The following PGR variants were observed in gnomAD, a reference collection of about 807,000 sequenced individuals.
PGR encodes the protein progesterone receptor, also known as nuclear receptor subfamily 3 group C member 3.
A neutral mutation model predicts 76.1 loss-of-function variants in PGR; 25 were observed. That is an observed-to-expected ratio of 0.33 (90% CI 0.24 to 0.46). The LOEUF (loss-of-function observed/expected upper bound fraction) is 0.46. PGR is among the 20% of genes least tolerant of loss of function. The pLI is 1.00. For synonymous variants in PGR, 579 were observed against 535.0 expected (o/e 1.08, Z -1.14); for missense variants, 1,172 against 1,225.3 (o/e 0.96, Z 0.65).
intron 2 of PGR, among the ~76,000 whole-genome samples, chr11:101,106,050 T>C (rs577640367): frequency 7.2e-5 from 11 of 152,280 alleles, no homozygotes; most frequent in South Asian, 2.1e-4. Flanking sequence ...CTGGACCCCT[T>C]CCTAACACCT....
intron 2 of PGR, among the ~76,000 whole-genome samples, chr11:101,100,035 A>G (rs1861949201): frequency 6.6e-6 from 1 of 152,178 alleles, no homozygotes; most frequent in Admixed American, 6.5e-5. Context: ...GAGGATTTGT[A>G]AATTTGGCAT....
At chr11:101,056,382 G>C (rs541782007) in intron 4 of PGR, among the ~76,000 whole-genome samples, 4 of 152,074 alleles carry the variant, frequency 2.6e-5, no homozygotes, top group African/African-American at 9.7e-5. Flanking sequence ...GCTCATGCCC[G>C]TAGTCCCAGT....
At position 101,086,214 on chromosome 11, in the gene PGR, A is replaced by G. The variant is rs1365362275; in HGVS notation, c.1906+5546T>C. On this transcript the variant is annotated intron_variant, in intron 3 of 7. Coordinates refer to ENST00000325455, the MANE Select transcript of PGR (RefSeq NM_000926.4). ...AAAATTCTCAACAAAACACTAGCAA[A>G]CCAAATCAAACATCAAAGTTAATTT... is the stretch of plus-strand genomic sequence containing the variant. Among the ~76,000 whole-genome samples the G allele has an allele frequency of 2.0e-5, 3 of 152,176 alleles. No homozygotes were observed. In the East Asian group the frequency reaches 5.8e-4, roughly 29 times the overall value.
chr11:101,119,722 G>A (rs1321588833), intron 2 of PGR, among the ~76,000 whole-genome samples: 1 of 152,200 alleles, frequency 6.6e-6, no homozygotes. Context: ...CTGAATAGAA[G>A]AAGGAACTTG....
intron 6 of PGR, among the ~76,000 whole-genome samples, chr11:101,049,522 T>C (rs906067574): frequency 1.4e-4 from 22 of 152,154 alleles, no homozygotes; most frequent in South Asian, 2.1e-4. Flanking sequence ...TGCATTGTGC[T>C]ATGATGTTAT....
intron 4 of PGR, among the ~76,000 whole-genome samples, chr11:101,061,074 A>G (rs545835): frequency 0.44 from 66,733 of 152,042 alleles, 16,389 homozygotes; most frequent in East Asian, 0.77. Flanking sequence ...ACAAAAACCA[A>G]AGAAATCATA....
intron 2 of PGR, among the ~76,000 whole-genome samples, chr11:101,097,013 G>A (rs1188142390): frequency 6.6e-6 from 1 of 152,064 alleles, no homozygotes; most frequent in Admixed American, 6.5e-5. Flanking sequence ...ATAAATAGGG[G>A]AGTTCACCCC....
chr11:101,044,889 T>A (rs1211802651), intron 6 of PGR, among the ~76,000 whole-genome samples: 4 of 151,864 alleles, frequency 2.6e-5, no homozygotes, highest in Non-Finnish European at 5.9e-5. Flanking sequence ...GTCTTTTTGG[T>A]AGAGATGGGG....
intron 2 of PGR, among the ~76,000 whole-genome samples, chr11:101,107,437 G>T (rs1053436118): frequency 2.0e-5 from 3 of 152,054 alleles, no homozygotes; most frequent in African/African-American, 7.2e-5. Flanking sequence ...GAAGTACTTA[G>T]TTATAATTGA....
At chr11:101,054,457 A>C (rs1860219437) in intron 4 of PGR, among the ~76,000 whole-genome samples, 1 of 152,222 alleles carries the variant, frequency 6.6e-6, no homozygotes, top group Non-Finnish European at 1.5e-5. Context: ...TAAATCTAAT[A>C]CATAAATGCT....
chr11:101,044,379 A>C (rs1161237049), intron 6 of PGR, among the ~76,000 whole-genome samples: 1 of 152,068 alleles, frequency 6.6e-6, no homozygotes, highest in Non-Finnish European at 1.5e-5. Context: ...CTTCCTCTGG[A>C]TGAGGCTTAG....
At chr11:101,053,719 C>G (rs1860188070) in intron 4 of PGR, among the ~76,000 whole-genome samples, 1 of 149,600 alleles carries the variant, frequency 6.7e-6, no homozygotes, top group South Asian at 2.1e-4. Context: ...TCCCTCCTTT[C>G]TTCCTTCCCT....
chr11:101,073,690 A>C (rs1861025492), intron 3 of PGR, among the ~76,000 whole-genome samples: 1 of 152,220 alleles, frequency 6.6e-6, no homozygotes, highest in Non-Finnish European at 1.5e-5. Flanking sequence ...CCATCAGAGA[A>C]TACTATAAAC....
intron 1 of PGR, among the ~76,000 whole-genome samples, chr11:101,126,419 T>C (rs1219992527): frequency 1.3e-5 from 2 of 152,158 alleles, no homozygotes; most frequent in Admixed American, 1.3e-4. Context: ...TCCTAGAAAG[T>C]TAAAGTCGGT....
chr11:101,105,879 T>C (rs1334948267), intron 2 of PGR, among the ~76,000 whole-genome samples: 1 of 151,994 alleles, frequency 6.6e-6, no homozygotes, highest in Non-Finnish European at 1.5e-5. Flanking sequence ...CCAAAACGGA[T>C]ATATAGACCA....
At chr11:101,096,684 T>C (rs775521080) in intron 2 of PGR, among the ~76,000 whole-genome samples, 3 of 152,188 alleles carry the variant, frequency 2.0e-5, no homozygotes, top group Admixed American at 2.0e-4. Flanking sequence ...TAACATAACA[T>C]CAGTTGCTAC....
At chr11:101,083,020 G>C (rs1255066648) in intron 3 of PGR, among the ~76,000 whole-genome samples, 1 of 152,236 alleles carries the variant, frequency 6.6e-6, no homozygotes, top group African/African-American at 2.4e-5. Context: ...CACAGGCACA[G>C]AAGCCTAAGA....
chr11:101,036,262 GA>G lies in PGR; in HGVS notation c.*2853del, dbSNP rs1228195224. 3 of 221,484 alleles carry G rather than the reference GA, an allele frequency of 1.4e-5. No homozygotes were observed. The highest frequency in any genetic ancestry group is 4.5e-5 in the African/African-American group (2 of 44,700). 13.7% of individuals were successfully genotyped at this position (221,484 alleles called of 1,614,324 possible). A position where few individuals can be genotyped will look rare whatever the true frequency, so the allele number is the denominator to read the frequency against. ...AATAAATTATCTTAATGTTAAATGG[GA>G]AAAAATAGCATAGCATTGCCTTATT... is the stretch of plus-strand genomic sequence containing the variant. On this transcript the variant is annotated 3_prime_UTR_variant, in exon 8 of 8. Transcript: ENST00000325455.
chr11:101,104,149 G>A (rs893624014), intron 2 of PGR, among the ~76,000 whole-genome samples: 5 of 152,126 alleles, frequency 3.3e-5, no homozygotes, highest in East Asian at 1.9e-4. Context: ...AAATGATCTC[G>A]TAAAAAAGAT....
Sources: gnomAD v4.1 joint callset for allele counts (sites outside exome capture counted in the v4.1 genomes callset) on GRCh38, gnomAD v4.1.1 for gene constraint, MANE v1.5 for transcripts, NCBI Gene and HGNC (gene_info 2026-07-23, HGNC 2026-07-21) for gene names.